Variants in OPCML observed in about 807,000 individuals in gnomAD.
OPCML encodes opioid-binding protein/cell adhesion molecule.
OPCML carries 13 observed loss-of-function variants against 37.8 expected under a neutral mutation model. The observed-to-expected ratio is 0.34, with a 90% confidence interval of 0.22 to 0.55. The LOEUF (loss-of-function observed/expected upper bound fraction) is 0.55. Ranked by LOEUF, OPCML falls within the 20% of genes least tolerant of loss-of-function variation. The probability of loss-of-function intolerance (pLI) is 0.91; values close to 1 mark genes in which losing one functional copy is unlikely to be tolerated. For synonymous variants in OPCML, 176 were observed against 168.8 expected, an observed-to-expected ratio of 1.04 and a Z score of -0.33; for missense variants, 341 against 435.6, an observed-to-expected ratio of 0.78 and a Z score of 1.93.
At position 133,111,006 on chromosome 11, in the gene OPCML, G is replaced by T. The variant is rs377721111; in HGVS notation, c.62-167996C>A. Among the ~76,000 whole-genome samples, 12 of 152,244 alleles carry T rather than the reference G, an allele frequency of 7.9e-5. No homozygotes were observed. The South Asian group carries it at 2.5e-3, about 32-fold the overall frequency. The stretch of plus-strand genomic sequence containing the variant: ...AATAATACCTATCCATATGGTTTTT[G>T]ATGAGAAAAACTGAGATAATAAGTG... On this transcript the variant is annotated intron_variant, in intron 1 of 7. Coordinates refer to ENST00000524381, the MANE Select transcript of OPCML (RefSeq NM_001012393.5).
At chr11:132,705,167 G>T (rs537890866) in intron 2 of OPCML, among the ~76,000 whole-genome samples, 1 of 152,314 alleles carries the variant, frequency 6.6e-6, no homozygotes, top group African/African-American at 2.4e-5. Context: ...GTAATCCCCA[G>T]TGTTGGAGGT....
At chr11:133,109,629 C>T (rs376285934) in intron 1 of OPCML, among the ~76,000 whole-genome samples, 18 of 152,142 alleles carry the variant, frequency 1.2e-4, no homozygotes, top group East Asian at 5.8e-4. Context: ...TCCAAGTTCC[C>T]ACTCGACCCA....
chr11:132,802,830 G>A (rs1337344766), intron 2 of OPCML, among the ~76,000 whole-genome samples: 1 of 152,122 alleles, frequency 6.6e-6, no homozygotes, highest in Non-Finnish European at 1.5e-5. Context: ...TCTGATTTCT[G>A]TAGGTAGATG....
intron 4 of OPCML, among the ~76,000 whole-genome samples, chr11:132,446,288 A>C (rs898714234): frequency 1.0e-4 from 14 of 140,262 alleles, no homozygotes; most frequent in Non-Finnish European, 1.7e-4. Context: ...AAAGTGCAGT[A>C]TGTGTGCCAG....
At chr11:133,103,809 A>G (rs1433389518) in intron 1 of OPCML, among the ~76,000 whole-genome samples, 3 of 152,150 alleles carry the variant, frequency 2.0e-5, no homozygotes, top group Non-Finnish European at 4.4e-5. Context: ...CCAAATGTTC[A>G]ATCGAGGTAG....
Position 132,598,665 on chromosome 11 carries a change from C to T in OPCML, c.379+58422G>A, listed in dbSNP as rs34296785. Among the ~76,000 whole-genome samples, 1,108 of 152,150 alleles carry T rather than the reference C, an allele frequency of 7.3e-3. 6 individuals are homozygous for T. Among genetic ancestry groups the T allele is most frequent in the Non-Finnish European group, 0.012 (845 of 68,018 alleles). On this transcript the variant is annotated intron_variant, in intron 3 of 7. Coordinates refer to ENST00000524381, the MANE Select transcript of OPCML (RefSeq NM_001012393.5). ...CACTATAATTTGTTTCTCAGAAAGG[C>T]CATGGAGAGAAGTGCAATGAGAATG...
chr11:132,681,846 T>A (rs762414790), intron 2 of OPCML, among the ~76,000 whole-genome samples: 1 of 151,726 alleles, frequency 6.6e-6, no homozygotes, highest in Non-Finnish European at 1.5e-5. Context: ...TCCCAGCTAC[T>A]CAGGAGGCTG....
chr11:133,019,680 CTTGT>C (rs1177863195), intron 1 of OPCML, among the ~76,000 whole-genome samples: 1 of 152,162 alleles, frequency 6.6e-6, no homozygotes, highest in African/African-American at 2.4e-5. Flanking sequence ...GTTCCATGGG[CTTGT>C]TTGTCACAGG....
intron 1 of OPCML, among the ~76,000 whole-genome samples, chr11:133,500,060 C>T (rs886141770): frequency 5.3e-5 from 8 of 151,460 alleles, no homozygotes; most frequent in Admixed American, 3.9e-4. Flanking sequence ...TTAGTAGAGA[C>T]GGGGTTTCAC....
At chr11:132,884,897 C>G (rs546199824) in intron 2 of OPCML, among the ~76,000 whole-genome samples, 1 of 152,128 alleles carries the variant, frequency 6.6e-6, no homozygotes, top group African/African-American at 2.4e-5. Context: ...CATAGGAGAC[C>G]GTTGCCAAAA....
intron 7 of OPCML, among the ~76,000 whole-genome samples, chr11:132,424,127 T>C (rs1308125460): frequency 6.6e-6 from 1 of 150,890 alleles, no homozygotes; most frequent in Non-Finnish European, 1.5e-5. Context: ...AGAGGCAGTT[T>C]TTTTTTTTTT....
rs376414898 is a variant in OPCML, at chr11:132,445,694, C to T, written c.506-8335G>A. ...AGCACCAGCATCCTCTAAAACTTCCCAGGGGACTCTAATGTACAGTCAGGG... is the reference window on the plus strand; with the variant it reads ...AGCACCAGCATCCTCTAAAACTTCCTAGGGGACTCTAATGTACAGTCAGGG... On this transcript the variant is annotated intron_variant, in intron 4 of 7. Transcript: ENST00000524381. Among the ~76,000 whole-genome samples the T allele has an allele frequency of 1.8e-4, 28 of 152,280 alleles. No homozygotes were observed. The South Asian group carries it at 5.4e-3, about 29-fold the overall frequency.
chr11:132,465,785 A>G (rs551153602), intron 4 of OPCML, among the ~76,000 whole-genome samples: 2 of 152,330 alleles, frequency 1.3e-5, no homozygotes, highest in South Asian at 2.1e-4. Flanking sequence ...AATATCTTAT[A>G]TACTTTTTAA....
intron 2 of OPCML, among the ~76,000 whole-genome samples, chr11:132,715,953 C>T (rs973269346): frequency 1.3e-5 from 2 of 152,096 alleles, no homozygotes; most frequent in African/African-American, 4.8e-5. Context: ...AATGACAGGT[C>T]GATCTGACTT....
chr11:132,993,901 G>C (rs1210891105), intron 1 of OPCML, among the ~76,000 whole-genome samples: 4 of 151,944 alleles, frequency 2.6e-5, no homozygotes, highest in Non-Finnish European at 4.4e-5. Flanking sequence ...TGGGCAAAGG[G>C]AAGGAAAAAA....
chr11:133,048,892 T>C (rs1948074138), intron 1 of OPCML, among the ~76,000 whole-genome samples: 1 of 152,212 alleles, frequency 6.6e-6, no homozygotes, highest in Non-Finnish European at 1.5e-5. Context: ...AGCAAGCTAG[T>C]ATCATTAATA....
chr11:132,519,082 T>C (rs1212478293), intron 4 of OPCML, among the ~76,000 whole-genome samples: 3 of 152,234 alleles, frequency 2.0e-5, no homozygotes, highest in Non-Finnish European at 2.9e-5. Flanking sequence ...CTGACATGCA[T>C]AGTTTCTCAA....
At chr11:133,379,230 C>A (rs991675032) in intron 1 of OPCML, among the ~76,000 whole-genome samples, 1 of 152,194 alleles carries the variant, frequency 6.6e-6, no homozygotes, top group African/African-American at 2.4e-5. Context: ...TCTAACTAGT[C>A]CACACACTAA....
At chr11:132,677,222 G>A (rs1784189) in intron 2 of OPCML, among the ~76,000 whole-genome samples, 107,443 of 151,894 alleles carry the variant, frequency 0.71, 39,070 homozygotes, top group African/African-American at 0.89. Flanking sequence ...AAGAAAAACT[G>A]TAAAACTGAT....
Sources: gnomAD v4.1 joint callset for allele counts (sites outside exome capture counted in the v4.1 genomes callset) on GRCh38, gnomAD v4.1.1 for gene constraint, MANE v1.5 for transcripts, NCBI Gene and HGNC (gene_info 2026-07-23, HGNC 2026-07-21) for gene names.